Variants in GALNTL6 observed in about 807,000 individuals in gnomAD.
GALNTL6 encodes the protein polypeptide N-acetylgalactosaminyltransferase like 6, also known as polypeptide N-acetylgalactosaminyltransferase-like 6.
GALNTL6 carries 46 observed loss-of-function variants against 73.7 expected under a neutral mutation model. The observed-to-expected ratio is 0.62, with a 90% CI of 0.49 to 0.80. The LOEUF is 0.80. GALNTL6 is among the 30% of genes least tolerant of loss of function. GALNTL6 has a pLI of 0.00. For missense variants in GALNTL6, 604 were observed against 755.0 expected (o/e 0.80, Z 2.34); for synonymous variants, 259 against 263.7 (o/e 0.98, Z 0.17).
rs116775011 is a variant in GALNTL6, at chr4:172,583,525, G to A, written c.554-225836G>A. ...AGTTACAGAGCTAGCAAATTTGGAA[G>A]CGTAAATTTGAAATCATAACTCTTT... On this transcript the variant is annotated intron_variant, in intron 5 of 12. Coordinates refer to ENST00000506823, the MANE Select transcript of GALNTL6 (RefSeq NM_001034845.3). Among the ~76,000 whole-genome samples the A allele has an allele frequency of 5.9e-3, 902 of 152,246 alleles. 8 individuals are homozygous for A. The highest frequency in any genetic ancestry group is 0.014 in the African/African-American group (591 of 41,568).
At chr4:172,270,765 A>G (rs1738618538) in intron 3 of GALNTL6, among the ~76,000 whole-genome samples, 1 of 151,926 alleles carries the variant, frequency 6.6e-6, no homozygotes, top group Non-Finnish European at 1.5e-5. Context: ...TAGATAGTAG[A>G]TAGATAATCT....
intron 5 of GALNTL6, among the ~76,000 whole-genome samples, chr4:172,726,709 A>G (rs1043211736): frequency 3.3e-5 from 5 of 152,188 alleles, no homozygotes; most frequent in Non-Finnish European, 7.4e-5. Context: ...TGATCCATCC[A>G]ATTCAACACA....
intron 5 of GALNTL6, among the ~76,000 whole-genome samples, chr4:172,751,567 A>G (rs1480375827): frequency 6.6e-6 from 1 of 152,228 alleles, no homozygotes; most frequent in Admixed American, 6.5e-5. Context: ...AGGCAGTGAA[A>G]ATTTCAGGAA....
chr4:172,094,058 G>A (rs1377364429), intron 2 of GALNTL6, among the ~76,000 whole-genome samples: 7 of 152,152 alleles, frequency 4.6e-5, no homozygotes, highest in Non-Finnish European at 8.8e-5. Flanking sequence ...GTTGGGGACC[G>A]CTGACATAGA....
At chr4:172,661,005 G>A (rs1731337142) in intron 5 of GALNTL6, among the ~76,000 whole-genome samples, 1 of 152,182 alleles carries the variant, frequency 6.6e-6, no homozygotes, top group African/African-American at 2.4e-5. Flanking sequence ...TCTTAAGAAT[G>A]TGAAAGGTGA....
chr4:172,787,089 A>G (rs1340933631), intron 5 of GALNTL6, among the ~76,000 whole-genome samples: 1 of 152,210 alleles, frequency 6.6e-6, no homozygotes, highest in African/African-American at 2.4e-5. Context: ...GAGAAAGTAA[A>G]TAACAGAACA....
chr4:173,036,606 C>CAAACAGAA (rs1377506769), intron 12 of GALNTL6, among the ~76,000 whole-genome samples: 2 of 152,232 alleles, frequency 1.3e-5, no homozygotes, highest in East Asian at 3.9e-4. Flanking sequence ...AAAACCAAAA[C>CAAACAGAA]AAACAGAAAA....
intron 2 of GALNTL6, among the ~76,000 whole-genome samples, chr4:171,829,114 A>G (rs541388406): frequency 6.6e-6 from 1 of 152,294 alleles, no homozygotes; most frequent in South Asian, 2.1e-4. Flanking sequence ...TTTTGAGTGC[A>G]CAAGAGGTCA....
intron 2 of GALNTL6, among the ~76,000 whole-genome samples, chr4:172,190,440 A>G (rs1042547916): frequency 2.0e-5 from 3 of 152,156 alleles, no homozygotes; most frequent in African/African-American, 4.8e-5. Context: ...GTTTTCAACT[A>G]TAGTAGAGGG....
At chr4:172,443,672 T>A (rs1731920050) in intron 5 of GALNTL6, among the ~76,000 whole-genome samples, 1 of 152,204 alleles carries the variant, frequency 6.6e-6, no homozygotes, top group Non-Finnish European at 1.5e-5. Flanking sequence ...CAATTTTTAC[T>A]TTACTACTTA....
rs36046571 is a variant in GALNTL6 at position 172,788,671 on chromosome 4, C to CAA, written c.554-20671_554-20670dup. On this transcript the variant is annotated intron_variant, in intron 5 of 12. Coordinates refer to ENST00000506823, the MANE Select transcript of GALNTL6 (RefSeq NM_001034845.3). ...TGAGGGACAGGGCAAGACTCCGTCT[C>CAA]AAAAAAAAAAAAAAAAAAAAGATAG... Among the ~76,000 whole-genome samples, 514 of 78,114 alleles carry CAA rather than the reference C, an allele frequency of 6.6e-3. 14 individuals are homozygous for CAA. The highest frequency in any genetic ancestry group is 0.012 in the East Asian group (32 of 2,778). 51.2% of individuals were successfully genotyped at this position (78,114 alleles called of 152,430 possible). A position where few individuals can be genotyped will look rare whatever the true frequency, so the allele number is the denominator to read the frequency against.
chr4:172,193,617 C>T (rs542588407), intron 2 of GALNTL6, among the ~76,000 whole-genome samples: 13 of 152,088 alleles, frequency 8.5e-5, no homozygotes, highest in African/African-American at 2.9e-4. Flanking sequence ...AATCCCAGCA[C>T]TTTGGGAGGC....
chr4:172,476,798 T>G (rs1446835092), intron 5 of GALNTL6, among the ~76,000 whole-genome samples: 1 of 152,236 alleles, frequency 6.6e-6, no homozygotes. Context: ...ATTAATAAGG[T>G]AGAATATTTC....
intron 8 of GALNTL6, among the ~76,000 whole-genome samples, chr4:172,885,928 C>A (rs778416614): frequency 6.6e-6 from 1 of 152,018 alleles, no homozygotes; most frequent in Non-Finnish European, 1.5e-5. Context: ...GGTGAATGTT[C>A]TTTTTAATGT....
At chr4:172,814,884 T>C (rs2111003699) in intron 7 of GALNTL6, among the ~76,000 whole-genome samples, 2 of 152,270 alleles carry the variant, frequency 1.3e-5, no homozygotes, top group East Asian at 3.9e-4. Flanking sequence ...GCGCTCTCAT[T>C]AAATATCCAG....
intron 5 of GALNTL6, among the ~76,000 whole-genome samples, chr4:172,454,829 G>C (rs1217908297): frequency 2.0e-5 from 3 of 151,990 alleles, no homozygotes; most frequent in African/African-American, 7.3e-5. Flanking sequence ...CCCATTGCTA[G>C]CTCCAAGTGA....
intron 5 of GALNTL6, among the ~76,000 whole-genome samples, chr4:172,373,874 G>A (rs1024633688): frequency 6.6e-6 from 1 of 152,192 alleles, no homozygotes; most frequent in Non-Finnish European, 1.5e-5. Context: ...CAGTCGACCA[G>A]GACAGGAGAT....
intron 5 of GALNTL6, among the ~76,000 whole-genome samples, chr4:172,663,653 G>A (rs1731498690): frequency 6.6e-6 from 1 of 152,216 alleles, no homozygotes; most frequent in Non-Finnish European, 1.5e-5. Context: ...ACTTGGCTAG[G>A]CGTAGTGGCT....
chr4:172,288,094 ATTTTT>A (rs11354201), intron 3 of GALNTL6, among the ~76,000 whole-genome samples: 1 of 144,638 alleles, frequency 6.9e-6, no homozygotes, highest in Non-Finnish European at 1.5e-5. Flanking sequence ...GATAGAATTG[ATTTTT>A]TTTTTTTTTG....
Sources: gnomAD v4.1 joint callset for allele counts (sites outside exome capture counted in the v4.1 genomes callset) on GRCh38, gnomAD v4.1.1 for gene constraint, MANE v1.5 for transcripts, NCBI Gene and HGNC (gene_info 2026-07-23, HGNC 2026-07-21) for gene names.